EYS: variants seen among roughly 807,000 people sequenced by gnomAD.
EYS encodes protein eyes shut homolog.
Under a neutral mutation model 282.1 loss-of-function variants are expected in EYS, and 250 were observed. That is an observed-to-expected ratio of 0.89 (90% CI 0.80 to 0.98). The LOEUF (loss-of-function observed/expected upper bound fraction) is 0.98, where lower values mean the gene tolerates loss of function less well. EYS is among the 50% of genes least tolerant of loss of function. The pLI is 0.00. For synonymous variants in EYS, 1,355 were observed against 1,282.9 expected, an observed-to-expected ratio of 1.06 and a Z score of -1.20; for missense variants, 4,016 against 3,709.0, an observed-to-expected ratio of 1.08 and a Z score of -2.15.
At chr6:64,302,329 G>T (rs1423720366) in intron 30 of EYS, among the ~76,000 whole-genome samples, 1 of 152,148 alleles carries the variant, frequency 6.6e-6, no homozygotes, top group Non-Finnish European at 1.5e-5. Context: ...CTTTCAACAG[G>T]TGTTAACCCT....
At chr6:65,321,783 G>T (rs878897800) in intron 11 of EYS, among the ~76,000 whole-genome samples, 1 of 152,280 alleles carries the variant, frequency 6.6e-6, no homozygotes, top group South Asian at 2.1e-4. Context: ...CTGGTAGGGG[G>T]CCTGGCCATT....
chr6:64,930,507 A>G (rs1475729251), intron 15 of EYS, among the ~76,000 whole-genome samples: 2 of 151,106 alleles, frequency 1.3e-5, no homozygotes, highest in East Asian at 3.9e-4. Flanking sequence ...CTGGTAACAC[A>G]TTAAAACTTT....
At chr6:65,274,358 G>A (rs980494188) in intron 12 of EYS, among the ~76,000 whole-genome samples, 2 of 152,220 alleles carry the variant, frequency 1.3e-5, no homozygotes, top group African/African-American at 4.8e-5. Flanking sequence ...GCAGAAGACA[G>A]ATGGATCTTG....
intron 5 of EYS, among the ~76,000 whole-genome samples, chr6:65,472,889 G>T (rs1000760740): frequency 6.6e-6 from 1 of 150,764 alleles, no homozygotes; most frequent in African/African-American, 2.4e-5. Context: ...CTCTTATTTG[G>T]TATATCCTCT....
At chr6:64,852,979 A>G (rs1202505649) in intron 19 of EYS, among the ~76,000 whole-genome samples, 1 of 152,146 alleles carries the variant, frequency 6.6e-6, no homozygotes, top group Non-Finnish European at 1.5e-5. Flanking sequence ...AACCCAGAAA[A>G]TATAGGAAAA....
chr6:64,238,298 C>A (rs920663294), intron 30 of EYS, among the ~76,000 whole-genome samples: 2 of 152,104 alleles, frequency 1.3e-5, no homozygotes, highest in Non-Finnish European at 2.9e-5. Context: ...ACCGCTGTTT[C>A]ACAGTATGAA....
chr6:63,928,545 TGTGTGTGC>T (rs1357145028), intron 35 of EYS, among the ~76,000 whole-genome samples: 1 of 149,886 alleles, frequency 6.7e-6, no homozygotes, highest in African/African-American at 2.5e-5. Flanking sequence ...TGTGTGTGTG[TGTGTGTGC>T]GTGTGCGCAT....
chr6:63,753,314 C>T (rs933606874), intron 41 of EYS, among the ~76,000 whole-genome samples: 2 of 151,794 alleles, frequency 1.3e-5, no homozygotes, highest in East Asian at 3.9e-4. Flanking sequence ...AAGGTTTTGG[C>T]AGATTCCATT....
chr6:65,553,593 G>A (rs9354266), intron 2 of EYS, among the ~76,000 whole-genome samples: 4,416 of 152,118 alleles, frequency 0.029, 85 homozygotes, highest in East Asian at 0.069. Flanking sequence ...TTAATTTGAT[G>A]AAAATTTACC....
intron 13 of EYS, among the ~76,000 whole-genome samples, chr6:65,024,767 G>A (rs1772351548): frequency 6.6e-6 from 1 of 152,006 alleles, no homozygotes; most frequent in African/African-American, 2.4e-5. Context: ...CAAATATTAT[G>A]TTCTAGGAAC....
At chr6:63,815,731 A>G (rs896976427) in intron 36 of EYS, among the ~76,000 whole-genome samples, 1 of 152,216 alleles carries the variant, frequency 6.6e-6, no homozygotes, top group African/African-American at 2.4e-5. Context: ...AATAAATAAA[A>G]AACTGGTTTA....
chr6:65,522,825 G>T (rs1767421752), intron 2 of EYS, among the ~76,000 whole-genome samples: 3 of 151,972 alleles, frequency 2.0e-5, no homozygotes, highest in Admixed American at 2.0e-4. Context: ...TATAATAACT[G>T]AACTTTTCAC....
chr6:65,195,858 A>T (rs1472720057), intron 12 of EYS, among the ~76,000 whole-genome samples: 1 of 152,000 alleles, frequency 6.6e-6, no homozygotes, highest in Non-Finnish European at 1.5e-5. Flanking sequence ...AAATGACTTT[A>T]AAAAAATAAA....
intron 22 of EYS, among the ~76,000 whole-genome samples, chr6:64,686,569 G>A (rs924012510): frequency 7.3e-5 from 11 of 149,690 alleles, no homozygotes; most frequent in Admixed American, 1.3e-4. Flanking sequence ...GTAAAACCCC[G>A]TCTCTACTAA....
chr6:64,367,504 G>T (rs939796101), intron 29 of EYS, among the ~76,000 whole-genome samples: 2 of 151,922 alleles, frequency 1.3e-5, no homozygotes, highest in Non-Finnish European at 2.9e-5. Context: ...GGAAAGAGAG[G>T]GAGGATGGAA....
At chr6:64,454,368 G>A (rs570063878) in intron 26 of EYS, among the ~76,000 whole-genome samples, 3 of 151,980 alleles carry the variant, frequency 2.0e-5, no homozygotes, top group Non-Finnish European at 4.4e-5. Flanking sequence ...TTTTTGCCCT[G>A]TGCCCTTTTA....
intron 37 of EYS, among the ~76,000 whole-genome samples, chr6:63,790,830 G>T (rs2149671738): frequency 6.6e-6 from 1 of 152,304 alleles, no homozygotes; most frequent in African/African-American, 2.4e-5. Context: ...GATCTGAATT[G>T]TCTTTCAAAT....
chr6:65,565,621 T>C (rs149852333), intron 2 of EYS, among the ~76,000 whole-genome samples: 32 of 152,234 alleles, frequency 2.1e-4, no homozygotes, highest in African/African-American at 5.1e-4. Flanking sequence ...GGATTATATA[T>C]CATGCTACTA....
At chr6:65,128,327 A>G (rs1273478069) in intron 12 of EYS, among the ~76,000 whole-genome samples, 2 of 152,042 alleles carry the variant, frequency 1.3e-5, no homozygotes, top group Non-Finnish European at 2.9e-5. Flanking sequence ...AATCCTAGCT[A>G]GAACAATCAG....
Sources: gnomAD v4.1 joint callset for allele counts (sites outside exome capture counted in the v4.1 genomes callset) on GRCh38, gnomAD v4.1.1 for gene constraint, MANE v1.5 for transcripts, NCBI Gene and HGNC (gene_info 2026-07-23, HGNC 2026-07-21) for gene names.